PRKCH: variants seen among roughly 807,000 people sequenced by gnomAD.
PRKCH encodes protein kinase C eta type.
A neutral mutation model predicts 82.5 loss-of-function variants in PRKCH; 28 were observed. That is an observed-to-expected ratio of 0.34 (90% CI 0.25 to 0.47). PRKCH has a LOEUF of 0.47. PRKCH is among the 20% of genes least tolerant of loss of function. PRKCH has a pLI of 1.00. For missense variants in PRKCH, 705 were observed against 881.8 expected (o/e 0.80, Z 2.54); for synonymous variants, 322 against 327.4 (o/e 0.98, Z 0.18).
chr14:61,518,435 C>CA (rs112769256), intron 10 of PRKCH, among the ~76,000 whole-genome samples: 16,263 of 127,268 alleles, frequency 0.13, 1,275 homozygotes, highest in East Asian at 0.23. Flanking sequence ...ATGTGGAATG[C>CA]AAAAAAAAAA....
At chr14:61,354,968 A>G (rs2046130351) in intron 1 of PRKCH, among the ~76,000 whole-genome samples, 1 of 152,268 alleles carries the variant, frequency 6.6e-6, no homozygotes, top group Admixed American at 6.5e-5. Flanking sequence ...ACTTGCATAA[A>G]TGAATTAGAT....
intron 2 of PRKCH, among the ~76,000 whole-genome samples, chr14:61,412,861 T>C (rs1408554150): frequency 1.3e-5 from 2 of 152,126 alleles, no homozygotes; most frequent in Admixed American, 1.3e-4. Context: ...TGTGGCCATC[T>C]CTTTTCTTCC....
chr14:61,451,874 C>G (rs562398186), intron 6 of PRKCH, among the ~76,000 whole-genome samples: 1 of 152,196 alleles, frequency 6.6e-6, no homozygotes, highest in Non-Finnish European at 1.5e-5. Flanking sequence ...AGTCACTTGT[C>G]TTTAAGAAGG....
At chr14:61,330,355 C>T (rs1266432660) in intron 1 of PRKCH, among the ~76,000 whole-genome samples, 1 of 152,176 alleles carries the variant, frequency 6.6e-6, no homozygotes, top group Non-Finnish European at 1.5e-5. Context: ...ATCGCAGATG[C>T]CCTTTTGAAA....
At chr14:61,468,231 G>A (rs185142413) in intron 9 of PRKCH, among the ~76,000 whole-genome samples, 6 of 152,304 alleles carry the variant, frequency 3.9e-5, no homozygotes, top group Admixed American at 2.0e-4. Flanking sequence ...GGTTTGCTGC[G>A]GGTCATTTGT....
At chr14:61,391,032 G>A (rs2046671231) in intron 1 of PRKCH, among the ~76,000 whole-genome samples, 193 bp from the exon 2 acceptor site, 1 of 152,088 alleles carries the variant, frequency 6.6e-6, no homozygotes, top group Non-Finnish European at 1.5e-5. Context: ...ATAAAATGTG[G>A]TTTCTTTTCA....
At chr14:61,444,288 T>A (rs1427921393) in intron 3 of PRKCH, among the ~76,000 whole-genome samples, 1 of 152,118 alleles carries the variant, frequency 6.6e-6, no homozygotes, top group African/African-American at 2.4e-5. Context: ...TGGGAAAAAA[T>A]TAGCAGCCCT....
intron 1 of PRKCH, among the ~76,000 whole-genome samples, chr14:61,380,501 A>G (rs1257836196): frequency 6.6e-6 from 1 of 151,332 alleles, no homozygotes; most frequent in Non-Finnish European, 1.5e-5. Context: ...AACTCACCCC[A>G]CTCCTTTTGG....
chr14:61,424,474 G>A (rs1343539782), intron 2 of PRKCH, among the ~76,000 whole-genome samples: 1 of 152,186 alleles, frequency 6.6e-6, no homozygotes, highest in East Asian at 1.9e-4. Flanking sequence ...CTTGGGAATT[G>A]GAGTAAAGGT....
intron 10 of PRKCH, among the ~76,000 whole-genome samples, chr14:61,514,952 T>C (rs2042801589): frequency 6.6e-6 from 1 of 152,212 alleles, no homozygotes; most frequent in Non-Finnish European, 1.5e-5. Flanking sequence ...AATGTGAACA[T>C]GGCACTTGGA....
chr14:61,468,280 G>C (rs1202891788), intron 9 of PRKCH, among the ~76,000 whole-genome samples: 1 of 152,190 alleles, frequency 6.6e-6, no homozygotes, highest in Admixed American at 6.5e-5. Flanking sequence ...TAGAAAATGA[G>C]CCAGAACATG....
chr14:61,332,376 C>T (rs2045800710), intron 1 of PRKCH, among the ~76,000 whole-genome samples: 1 of 152,180 alleles, frequency 6.6e-6, no homozygotes, highest in South Asian at 2.1e-4. Flanking sequence ...TTCTGTAGCA[C>T]CAGTAAATTA....
chr14:61,494,164 A>G (rs919265072), intron 10 of PRKCH, among the ~76,000 whole-genome samples: 3 of 152,200 alleles, frequency 2.0e-5, no homozygotes, highest in African/African-American at 7.2e-5. Flanking sequence ...TTTGGAAGTC[A>G]TCAGGACATA....
At chr14:61,344,118 A>G (rs937255350) in intron 1 of PRKCH, 2 of 152,168 alleles carry the variant, frequency 1.3e-5, no homozygotes, top group African/African-American at 4.8e-5. Context: ...GAGGTTTAGC[A>G]TGGTTTCAGG....
Position 61,450,985 on chromosome 14 carries a change from G to T in PRKCH, c.832+14G>T. 3.1e-6 allele frequency: 5 copies of T among 1,613,210 alleles called. No individual in the cohort carries two copies. Among genetic ancestry groups the T allele is most frequent in the Non-Finnish European group, 4.2e-6 (5 of 1,179,546 alleles). ...TTCAGTGTAAAAGTGAGATGCTGAG[G>T]TGCTGGGTACCCACCTCTTCATGGG... On this transcript the variant is annotated intron_variant, in intron 6 of 13. Coordinates refer to ENST00000332981, the MANE Select transcript of PRKCH (RefSeq NM_006255.5).
intron 1 of PRKCH, among the ~76,000 whole-genome samples, chr14:61,189,623 C>T (rs12435323): frequency 0.2 from 30,649 of 151,640 alleles, 3,935 homozygotes; most frequent in Admixed American, 0.34. Flanking sequence ...TCCTTTCTTC[C>T]TCCCTTTCTC....
At chr14:61,491,843 G>T (rs922576183) in intron 10 of PRKCH, among the ~76,000 whole-genome samples, 1 of 152,122 alleles carries the variant, frequency 6.6e-6, no homozygotes, top group African/African-American at 2.4e-5. Flanking sequence ...GCCAGTGGAG[G>T]GTATGATCCA....
At chr14:61,379,188 C>A (rs2046465100) in intron 1 of PRKCH, among the ~76,000 whole-genome samples, 1 of 152,154 alleles carries the variant, frequency 6.6e-6, no homozygotes, top group Admixed American at 6.5e-5. Flanking sequence ...TTTGCACACT[C>A]CCCGTCTCTG....
intron 1 of PRKCH, among the ~76,000 whole-genome samples, chr14:61,285,331 T>C (rs1474518717): frequency 6.6e-6 from 1 of 152,240 alleles, no homozygotes; most frequent in African/African-American, 2.4e-5. Context: ...AACTCTCAGA[T>C]ACTAGGAGAA....
Sources: allele counts gnomAD v4.1 joint callset (sites outside exome capture counted in the v4.1 genomes callset), GRCh38; gene constraint gnomAD v4.1.1; transcripts MANE v1.5; gene names NCBI Gene and HGNC (gene_info 2026-07-23, HGNC 2026-07-21).